Variants in DDI2 observed in about 807,000 individuals in gnomAD.
DDI2 encodes DDI proteasomal shuttling factor 2, also known as protein DDI1 homolog 2.
In DDI2, 5 loss-of-function variants were observed where a neutral mutation model predicts 48.1. That is an observed-to-expected ratio of 0.10 (90% CI 0.05 to 0.22). The LOEUF (loss-of-function observed/expected upper bound fraction) is 0.22, where lower values mean the gene tolerates loss of function less well. Among genes scored for constraint, DDI2 ranks in the 10% least tolerant of loss-of-function variants. The probability of loss-of-function intolerance (pLI) is 1.00; values close to 1 mark genes in which losing one functional copy is unlikely to be tolerated. For missense variants in DDI2, 285 were observed against 506.2 expected (o/e 0.56, Z 4.19); for synonymous variants, 205 against 183.6 (o/e 1.12, Z -0.94).
chr1:15,640,020 G>GA (rs1330278500), intron 5 of DDI2, among the ~76,000 whole-genome samples: 133 of 139,060 alleles, frequency 9.6e-4, no homozygotes, highest in Non-Finnish European at 1.3e-3. Flanking sequence ...GCCTTCGGGG[G>GA]AAAAAAAAAA....
At chr1:15,632,582 T>G (rs114989817) in intron 3 of DDI2, among the ~76,000 whole-genome samples, 16 of 152,182 alleles carry the variant, frequency 1.1e-4, no homozygotes, top group Non-Finnish European at 4.4e-5. Context: ...ATACATCTTA[T>G]AGCAAGCAGT....
chr1:15,621,526 A>C (rs1056687740), intron 1 of DDI2, among the ~76,000 whole-genome samples: 1 of 152,096 alleles, frequency 6.6e-6, no homozygotes, highest in Non-Finnish European at 1.5e-5. Flanking sequence ...CTGGGACTAC[A>C]GGTGTATGCT....
intron 5 of DDI2, among the ~76,000 whole-genome samples, chr1:15,639,924 C>G (rs922614972): frequency 5.3e-5 from 8 of 151,928 alleles, no homozygotes; most frequent in African/African-American, 1.9e-4. Flanking sequence ...GGGAAGATCA[C>G]CTGAGCCTGT....
Position 15,661,920 on chromosome 1 carries a change from C to G in DDI2, c.*2130C>G, listed in dbSNP as rs928067939. ...TCTTTTGTCTGATGAATTTGTCTATCCTACTTGTTAAAATTTAGGCCTTTT... is the reference window on the plus strand; with the variant it reads ...TCTTTTGTCTGATGAATTTGTCTATGCTACTTGTTAAAATTTAGGCCTTTT... On this transcript the variant is annotated 3_prime_UTR_variant, in exon 10 of 10. Transcript: ENST00000480945. 5 of 764,194 alleles carry G rather than the reference C, an allele frequency of 6.5e-6. No individual in the cohort carries two copies. In the African/African-American group the frequency reaches 8.9e-5, roughly 14 times the overall value. 47.3% of individuals were successfully genotyped at this position (764,194 alleles called of 1,614,324 possible).
intron 4 of DDI2, among the ~76,000 whole-genome samples, chr1:15,636,844 G>T (rs988564059): frequency 1.3e-5 from 2 of 152,302 alleles, no homozygotes; most frequent in Admixed American, 1.3e-4. Flanking sequence ...GTTCAGCTCC[G>T]CCACTGCCAT....
At chr1:15,631,436 A>T (rs974522666) in intron 3 of DDI2, among the ~76,000 whole-genome samples, 1 of 152,244 alleles carries the variant, frequency 6.6e-6, no homozygotes, top group African/African-American at 2.4e-5. Context: ...CATCTTTATG[A>T]ATCGAGTTTT....
chr1:15,645,692 G>T (rs1490960252), intron 6 of DDI2, among the ~76,000 whole-genome samples: 1 of 151,960 alleles, frequency 6.6e-6, no homozygotes, highest in Non-Finnish European at 1.5e-5. Flanking sequence ...AACATAGGGA[G>T]AATTCGTCTC....
rs1456935965 is a variant in DDI2, at chr1:15,641,903, C to T, written c.761-1619C>T. Among the ~76,000 whole-genome samples, 25 of 141,508 alleles carry T rather than the reference C, an allele frequency of 1.8e-4. 1 individual carries two copies. The highest frequency in any genetic ancestry group is 1.4e-3 in the Admixed American group (19 of 13,218). 92.8% of individuals were successfully genotyped at this position (141,508 alleles called of 152,430 possible). ...CCAGGAGGTGGAGCTTGCAGTGAGC[C>T]GAGATTGCACCATTACACTCCAGCC... On this transcript the variant is annotated intron_variant, in intron 5 of 9. Transcript: ENST00000480945.
chr1:15,640,021 A>G (rs1042911088), intron 5 of DDI2, among the ~76,000 whole-genome samples: 39 of 141,476 alleles, frequency 2.8e-4, no homozygotes, highest in East Asian at 1.5e-3. Flanking sequence ...CCTTCGGGGG[A>G]AAAAAAAAAA....
chr1:15,644,763 T>G (rs922063485), intron 6 of DDI2, among the ~76,000 whole-genome samples: 2 of 151,532 alleles, frequency 1.3e-5, no homozygotes, highest in African/African-American at 4.8e-5. Context: ...CCGGCTAATT[T>G]TTTGTATTTT....
At position 15,656,669 on chromosome 1, in the gene DDI2, C is replaced by T. The variant is rs1258845821; in HGVS notation, c.*36C>T. 1 of 1,613,944 alleles carries T rather than the reference C, an allele frequency of 6.2e-7. No homozygotes were observed. Among genetic ancestry groups the T allele is most frequent in the Non-Finnish European group, 8.5e-7 (1 of 1,179,990 alleles). ...GTGTGTGTACTGCAGCTGGAGTGGG[C>T]CCCAGACCAGGTATTTATAGACACC... On this transcript the variant is annotated 3_prime_UTR_variant, in exon 9 of 10. Coordinates refer to ENST00000480945, the MANE Select transcript of DDI2 (RefSeq NM_032341.5).
intron 1 of DDI2, among the ~76,000 whole-genome samples, chr1:15,619,310 G>A (rs1159971975): frequency 6.6e-6 from 1 of 150,920 alleles, no homozygotes; most frequent in African/African-American, 2.4e-5. Flanking sequence ...TTTTTTAGTA[G>A]AGACGGGGTT....
chr1:15,647,013 TCTG>T (rs1640102507), intron 6 of DDI2, among the ~76,000 whole-genome samples: 1 of 152,186 alleles, frequency 6.6e-6, no homozygotes, highest in Non-Finnish European at 1.5e-5. Flanking sequence ...AATTTTATAT[TCTG>T]CTCAAAGAAA....
rs140811823 is a variant in DDI2 at position 15,631,384 on chromosome 1, G to A, written c.505+823G>A. ...GCCTGCCTTGGCCTCCCAAAGTGCT[G>A]GGATTACAGGCATGAGCAGTTGCAC... On this transcript the variant is annotated intron_variant, in intron 3 of 9. Coordinates refer to ENST00000480945, the MANE Select transcript of DDI2 (RefSeq NM_032341.5). 8.9e-4 allele frequency among the ~76,000 whole-genome samples: 136 copies of A among 152,322 alleles called. 2 individuals are homozygous for A. In the East Asian group the frequency reaches 0.023, roughly 25 times the overall value.
intron 5 of DDI2, among the ~76,000 whole-genome samples, chr1:15,640,651 T>C (rs1204695732): frequency 6.6e-6 from 1 of 152,204 alleles, no homozygotes; most frequent in Non-Finnish European, 1.5e-5. Flanking sequence ...GCCCTTCTCA[T>C]CCTGGGTTGC....
intron 4 of DDI2, among the ~76,000 whole-genome samples, chr1:15,634,704 T>TC (rs1292314671): frequency 1.3e-5 from 2 of 151,720 alleles, no homozygotes; most frequent in African/African-American, 4.8e-5. Context: ...GCTAATTTTT[T>TC]CATTTTTTGT....
Position 15,628,205 on chromosome 1 carries a change from G to A in DDI2, c.268+1407G>A, listed in dbSNP as rs772350790. Among the ~76,000 whole-genome samples, 3 of 152,042 alleles carry A rather than the reference G, an allele frequency of 2.0e-5. No individual in the cohort carries two copies. The East Asian group carries it at 5.8e-4, about 29-fold the overall frequency. Reference sequence around the variant, plus strand: ...TCTCAAGATAATGTATAACAGGAGTGGAGATAAAATTTCTTGACCTGCAAA... The same window carrying A: ...TCTCAAGATAATGTATAACAGGAGTAGAGATAAAATTTCTTGACCTGCAAA... On this transcript the variant is annotated intron_variant, in intron 2 of 9. Coordinates refer to ENST00000480945, the MANE Select transcript of DDI2 (RefSeq NM_032341.5).
intron 5 of DDI2, among the ~76,000 whole-genome samples, chr1:15,641,444 C>G (rs577753932): frequency 1.3e-5 from 2 of 151,850 alleles, no homozygotes; most frequent in African/African-American, 4.8e-5. Flanking sequence ...TGCACTCCAG[C>G]CTGGGCAACA....
At chr1:15,621,672 C>G (rs1639669803) in intron 1 of DDI2, among the ~76,000 whole-genome samples, 1 of 152,164 alleles carries the variant, frequency 6.6e-6, no homozygotes, top group African/African-American at 2.4e-5. Flanking sequence ...AGGCGTGAGC[C>G]ACCGCATCCG....
Sources: allele counts gnomAD v4.1 joint callset (sites outside exome capture counted in the v4.1 genomes callset), GRCh38; gene constraint gnomAD v4.1.1; transcripts MANE v1.5; gene names NCBI Gene and HGNC (gene_info 2026-07-23, HGNC 2026-07-21).